Variants in TRERF1 observed in about 807,000 individuals in gnomAD.
TRERF1 encodes transcriptional regulating factor 1.
TRERF1 carries 27 observed loss-of-function variants against 122.9 expected under a neutral mutation model. That is an observed-to-expected ratio of 0.22 (90% CI 0.16 to 0.30). TRERF1 has a LOEUF of 0.30. Among genes scored for constraint, TRERF1 ranks in the 10% least tolerant of loss-of-function variants. The pLI, the probability that TRERF1 is intolerant of heterozygous loss-of-function variation, is 1.00. For missense variants in TRERF1, 1,248 were observed against 1,560.3 expected (o/e 0.80, Z 3.37); for synonymous variants, 636 against 641.7 (o/e 0.99, Z 0.13).
chr6:42,353,867 A>G (rs1365757657), intron 3 of TRERF1, among the ~76,000 whole-genome samples: 1 of 152,256 alleles, frequency 6.6e-6, no homozygotes, highest in Admixed American at 6.5e-5. Context: ...AATGCATAAG[A>G]AAAGATTATG....
At chr6:42,436,928 A>G (rs1235675682) in intron 2 of TRERF1, among the ~76,000 whole-genome samples, 2 of 150,352 alleles carry the variant, frequency 1.3e-5, no homozygotes, top group Non-Finnish European at 3.0e-5. Flanking sequence ...TGTCTGCTCC[A>G]GGCCTTAGAG....
At chr6:42,324,327 C>A (rs1480003382) in intron 3 of TRERF1, among the ~76,000 whole-genome samples, 1 of 152,142 alleles carries the variant, frequency 6.6e-6, no homozygotes. Context: ...GTCCATACTG[C>A]CTAAAGCAAT....
At chr6:42,373,560 G>C (rs1255787933) in intron 2 of TRERF1, among the ~76,000 whole-genome samples, 3 of 152,020 alleles carry the variant, frequency 2.0e-5, no homozygotes, top group African/African-American at 7.3e-5. Context: ...CCAGCTACTC[G>C]GGAGGCTAAG....
intron 3 of TRERF1, among the ~76,000 whole-genome samples, chr6:42,313,284 T>C (rs1761970121): frequency 6.6e-6 from 1 of 152,038 alleles, no homozygotes; most frequent in South Asian, 2.1e-4. Flanking sequence ...AAAATAACTC[T>C]AAGTATGAAG....
intron 2 of TRERF1, among the ~76,000 whole-genome samples, chr6:42,450,965 A>G (rs1788371053): frequency 6.6e-6 from 1 of 151,910 alleles, no homozygotes; most frequent in Non-Finnish European, 1.5e-5. Context: ...CGCCCACCTC[A>G]TCCCTCCCCC....
intron 2 of TRERF1, among the ~76,000 whole-genome samples, chr6:42,389,982 T>C (rs1777443156): frequency 1.3e-5 from 2 of 152,376 alleles, no homozygotes; most frequent in Non-Finnish European, 2.9e-5. Flanking sequence ...CAGGAGGCAT[T>C]TTAAGCTTGA....
intron 2 of TRERF1, among the ~76,000 whole-genome samples, chr6:42,404,676 T>A (rs1207151016): frequency 6.6e-6 from 1 of 152,014 alleles, no homozygotes; most frequent in Non-Finnish European, 1.5e-5. Flanking sequence ...CAGGATACTC[T>A]CCTCCTGCCT....
intron 2 of TRERF1, among the ~76,000 whole-genome samples, chr6:42,436,530 G>A (rs944930795): frequency 6.6e-6 from 1 of 151,898 alleles, no homozygotes; most frequent in Non-Finnish European, 1.5e-5. Context: ...CACAGCCCCA[G>A]ATGTTTTACA....
intron 15 of TRERF1, among the ~76,000 whole-genome samples, chr6:42,238,633 C>T (rs186170006): frequency 8.2e-4 from 124 of 152,028 alleles, no homozygotes; most frequent in Admixed American, 1.3e-3. Flanking sequence ...CTCAGACCCT[C>T]GAGTGTCCAC....
chr6:42,393,039 T>G lies in TRERF1; in HGVS notation c.-453-29960A>C, dbSNP rs1304139750. On this transcript the variant is annotated intron_variant, in intron 2 of 17. Transcript: ENST00000372922. The surrounding 1 kb of genome is among the most constrained non-coding windows in gnomAD (Gnocchi z 4.1). ...ACGCGAGGGCCACTGGACATGGAGT[T>G]GGGAAGAGACATGCACAGTTAACTC... Among the ~76,000 whole-genome samples the G allele has an allele frequency of 6.6e-6, 1 of 151,986 alleles. No homozygotes were observed. Among genetic ancestry groups the G allele is most frequent in the Non-Finnish European group, 1.5e-5 (1 of 68,014 alleles).
Position 42,369,978 on chromosome 6 carries a change from A to T in TRERF1, c.-453-6899T>A, listed in dbSNP as rs140536004. The stretch of plus-strand genomic sequence containing the variant: ...ACCCTTCACCTTCCTCCTGACCTCC[A>T]CATGAAAACATCTGTACAAGCCATA... On this transcript the variant is annotated intron_variant, in intron 2 of 17. Coordinates refer to ENST00000372922, the Ensembl canonical transcript of TRERF1. Among the ~76,000 whole-genome samples, 13 of 152,196 alleles carry T rather than the reference A, an allele frequency of 8.5e-5. No individual in the cohort carries two copies. The East Asian group carries it at 1.5e-3, about 18-fold the overall frequency.
intron 13 of TRERF1, among the ~76,000 whole-genome samples, chr6:42,249,452 C>G (rs1775368943): frequency 6.6e-6 from 1 of 152,212 alleles, no homozygotes; most frequent in Admixed American, 6.5e-5. Flanking sequence ...TTCCAAATTG[C>G]TTGCCAGATG....
At chr6:42,406,256 G>C (rs956972289) in intron 2 of TRERF1, among the ~76,000 whole-genome samples, 5 of 152,172 alleles carry the variant, frequency 3.3e-5, no homozygotes, top group African/African-American at 1.2e-4. Context: ...CCGAAAATCA[G>C]TCAGACCCCC....
intron 16 of TRERF1, among the ~76,000 whole-genome samples, chr6:42,235,331 A>G (rs1017819799): frequency 1.3e-5 from 2 of 151,900 alleles, no homozygotes; most frequent in Admixed American, 6.6e-5. Flanking sequence ...GAACTTGCCT[A>G]TACAGGTGTG....
intron 16 of TRERF1, 25 bp downstream of exon 16, chr6:42,236,180 C>T (rs763664996): frequency 1.9e-6 from 3 of 1,539,648 alleles, no homozygotes; most frequent in Non-Finnish European, 2.6e-6. Flanking sequence ...TGTCCCAGAT[C>T]CCCAGACGAC....
At position 42,269,721 on chromosome 6, in the gene TRERF1, T is replaced by C. The variant is rs1415467852; in HGVS notation, c.-131A>G. On this transcript the variant is annotated 5_prime_UTR_variant, in exon 5 of 18. Transcript: ENST00000372922. The surrounding 1 kb of genome is among the most constrained non-coding windows in gnomAD (Gnocchi z 4.9). ...CACTACTCCACGGCTGACATGTCTG[T>C]GAACGTGGCTGGAGCCAGGTGTTCC... 1 of 1,451,212 alleles carries C rather than the reference T, an allele frequency of 6.9e-7. No homozygotes were observed. The highest frequency in any genetic ancestry group is 1.4e-5 in the African/African-American group (1 of 70,320). The allele number at this position is 1,451,212 out of a possible 1,614,324, so 89.9% of individuals were successfully genotyped here. A position where few individuals can be genotyped will look rare whatever the true frequency, so the allele number is the denominator to read the frequency against.
chr6:42,419,005 T>C (rs965857624), intron 2 of TRERF1, among the ~76,000 whole-genome samples: 1 of 152,018 alleles, frequency 6.6e-6, no homozygotes, highest in East Asian at 1.9e-4. Flanking sequence ...CATTCACTTC[T>C]CCTCCCAGCT....
chr6:42,401,660 G>C (rs193230214), intron 2 of TRERF1, among the ~76,000 whole-genome samples: 15 of 152,300 alleles, frequency 9.8e-5, no homozygotes, highest in Non-Finnish European at 1.9e-4. Context: ...GTGCCAGCAT[G>C]GATGGGGCAC....
intron 3 of TRERF1, among the ~76,000 whole-genome samples, chr6:42,328,004 C>CTTTTTTTTTTTTTTT (rs36069546): frequency 3.7e-5 from 4 of 107,992 alleles, no homozygotes; most frequent in African/African-American, 6.9e-5. Context: ...TTCTTTCTTT[C>CTTTTTTTTTTTTTTT]TTTTTTTTTT....
Sources: allele counts gnomAD v4.1 joint callset (sites outside exome capture counted in the v4.1 genomes callset), GRCh38; gene constraint gnomAD v4.1.1; non-coding constraint Gnocchi (gnomAD v3.1); transcripts MANE v1.5; gene names NCBI Gene and HGNC (gene_info 2026-07-23, HGNC 2026-07-21).